The following MSH3 variants were observed in gnomAD, a reference collection of about 807,000 sequenced individuals.
MSH3 encodes the protein DNA mismatch repair protein Msh3.
MSH3 carries 106 observed loss-of-function variants against 123.3 expected under a neutral mutation model. The observed-to-expected ratio is 0.86, with a 90% CI of 0.73 to 1.01. MSH3 has a LOEUF of 1.01. Ranked by LOEUF, MSH3 falls within the 50% of genes least tolerant of loss-of-function variation. The pLI is 0.00. For missense variants in MSH3, 1,459 were observed against 1,347.6 expected (o/e 1.08, Z -1.29); for synonymous variants, 515 against 481.4 (o/e 1.07, Z -0.91).
rs561290875 is a variant in MSH3 at position 80,831,968 on chromosome 5, G to A, written c.2813+18227G>A. Among the ~76,000 whole-genome samples the A allele has an allele frequency of 2.7e-5, 4 of 148,234 alleles. No individual in the cohort carries two copies. The South Asian group carries it at 6.3e-4, about 23-fold the overall frequency. On this transcript the variant is annotated intron_variant, in intron 20 of 23. Coordinates refer to ENST00000265081, the MANE Select transcript of MSH3 (RefSeq NM_002439.5). ...CTAAAAATACAAAAAAATTAGCCGGGTGTGGTGGCGGGGCGCCTATAGTCC... is the reference window on the plus strand; with the variant it reads ...CTAAAAATACAAAAAAATTAGCCGGATGTGGTGGCGGGGCGCCTATAGTCC...
intron 8 of MSH3, among the ~76,000 whole-genome samples, chr5:80,716,306 A>G (rs1228009332): frequency 6.6e-6 from 1 of 152,148 alleles, no homozygotes; most frequent in East Asian, 1.9e-4. Context: ...ATTTAGAGTA[A>G]TTCCTCTTTA....
At chr5:80,771,211 C>T (rs1744207756) in intron 15 of MSH3, among the ~76,000 whole-genome samples, 1 of 152,144 alleles carries the variant, frequency 6.6e-6, no homozygotes, top group Non-Finnish European at 1.5e-5. Context: ...AAAACGACTA[C>T]AGTGGCTCAC....
chr5:80,802,412 T>G (rs1031450805), intron 19 of MSH3, among the ~76,000 whole-genome samples: 1 of 148,360 alleles, frequency 6.7e-6, no homozygotes, highest in Non-Finnish European at 1.5e-5. Context: ...AATTGATTCT[T>G]TAAAAAAACA....
intron 19 of MSH3, among the ~76,000 whole-genome samples, chr5:80,812,252 A>G (rs1745021289): frequency 1.3e-5 from 2 of 152,170 alleles, no homozygotes; most frequent in African/African-American, 2.4e-5. Context: ...ATCCCCCATT[A>G]GTAACATGTT....
At chr5:80,723,354 T>C (rs1751127970) in intron 8 of MSH3, among the ~76,000 whole-genome samples, 2 of 151,986 alleles carry the variant, frequency 1.3e-5, no homozygotes, top group Admixed American at 1.3e-4. Context: ...CAAAAACATA[T>C]ATAGAAATGC....
At chr5:80,670,780 G>A (rs961135268) in intron 4 of MSH3, among the ~76,000 whole-genome samples, 36 of 152,160 alleles carry the variant, frequency 2.4e-4, no homozygotes, top group Non-Finnish European at 5.9e-5. Flanking sequence ...GTTGTTTGAA[G>A]TTTTACAGAT....
At chr5:80,702,812 G>A (rs1750640454) in intron 8 of MSH3, among the ~76,000 whole-genome samples, 1 of 152,046 alleles carries the variant, frequency 6.6e-6, no homozygotes, top group Non-Finnish European at 1.5e-5. Context: ...AGGAGTTTGA[G>A]ACCAGCCTGG....
chr5:80,841,920 T>A (rs1580083746), intron 20 of MSH3, among the ~76,000 whole-genome samples: 2 of 152,224 alleles, frequency 1.3e-5, no homozygotes, highest in African/African-American at 4.8e-5. Context: ...TTAGATCCCA[T>A]TTGTCAATTT....
At chr5:80,709,209 ATGTG>A (rs139977038) in intron 8 of MSH3, among the ~76,000 whole-genome samples, 5,088 of 146,994 alleles carry the variant, frequency 0.035, 133 homozygotes, top group East Asian at 0.13. Flanking sequence ...TAAAATAGAT[ATGTG>A]TGTGTGTGTG....
rs1360794165 is a variant in MSH3 at position 80,761,610 on chromosome 5, C to G, written c.1828C>G (p.Gln610Glu). Reference sequence around the variant, plus strand: ...CCATTCAGAATCTAGTGTGTTTGGTCAGATAGAAAATCATCTACGTAAATT... The same window carrying G: ...CCATTCAGAATCTAGTGTGTTTGGTGAGATAGAAAATCATCTACGTAAATT... ...VLHSESSVFG[Q>E]IENHLRKLPD... The change falls in exon 13 of 24, where the codon CAG becomes GAG. Residue 610 changes from glutamine to glutamate, a missense_variant. Coordinates refer to ENST00000265081, the MANE Select transcript of MSH3 (RefSeq NM_002439.5). 1 of 1,613,910 alleles carries G rather than the reference C, an allele frequency of 6.2e-7. No homozygotes were observed. The highest frequency in any genetic ancestry group is 1.1e-5 in the South Asian group (1 of 91,060).
In MSH3 at chr5:80,803,248, G is replaced by A. The variant is rs1449532532; in HGVS notation, c.2656-10336G>A. Reference sequence around the variant, plus strand: ...CACATCCTCACCAACATTTGTTATTGCATGTCTTTTGAATATGTCATTTTG... The same window carrying A: ...CACATCCTCACCAACATTTGTTATTACATGTCTTTTGAATATGTCATTTTG... On this transcript the variant is annotated intron_variant, in intron 19 of 23. Transcript: ENST00000265081. 4.6e-5 allele frequency among the ~76,000 whole-genome samples: 7 copies of A among 152,002 alleles called. No individual in the cohort carries two copies. The East Asian group carries it at 9.7e-4, about 21-fold the overall frequency.
chr5:80,767,106 T>C (rs535710457), intron 13 of MSH3, among the ~76,000 whole-genome samples: 2 of 152,196 alleles, frequency 1.3e-5, no homozygotes, highest in South Asian at 4.1e-4. Flanking sequence ...CTACACTGCA[T>C]GAGTTTTTCC....
intron 12 of MSH3, among the ~76,000 whole-genome samples, chr5:80,755,921 C>T (rs866697023): frequency 3.9e-5 from 6 of 152,114 alleles, no homozygotes; most frequent in Non-Finnish European, 8.8e-5. Context: ...CACAGGCCCT[C>T]CCTCATAGAT....
At chr5:80,829,531 A>T (rs1745383044) in intron 20 of MSH3, among the ~76,000 whole-genome samples, 1 of 152,144 alleles carries the variant, frequency 6.6e-6, no homozygotes, top group South Asian at 2.1e-4. Context: ...GATGTGATGG[A>T]TTATGTTAAC....
intron 20 of MSH3, among the ~76,000 whole-genome samples, chr5:80,846,499 C>T (rs1363991407): frequency 1.3e-5 from 2 of 152,168 alleles, no homozygotes; most frequent in East Asian, 3.9e-4. Flanking sequence ...TTCTGCTATG[C>T]CCTGCCCCCA....
chr5:80,817,480 T>C, intron 20 of MSH3, among the ~76,000 whole-genome samples: 1 of 152,138 alleles, frequency 6.6e-6, no homozygotes. Flanking sequence ...GGGACTTGTT[T>C]TTTGTTTTTA....
intron 17 of MSH3, among the ~76,000 whole-genome samples, chr5:80,785,220 T>C (rs1744482578): frequency 6.6e-6 from 1 of 152,220 alleles, no homozygotes; most frequent in Non-Finnish European, 1.5e-5. Flanking sequence ...GTTTGTTGTC[T>C]TTTTCACGTT....
At chr5:80,707,405 TG>T (rs937428988) in intron 8 of MSH3, among the ~76,000 whole-genome samples, 1 of 152,152 alleles carries the variant, frequency 6.6e-6, no homozygotes. Context: ...CTGGATTATG[TG>T]GGTAAGTATA....
chr5:80,819,462 G>GTGTT (rs1561488567), intron 20 of MSH3, among the ~76,000 whole-genome samples: 2 of 146,748 alleles, frequency 1.4e-5, no homozygotes, highest in South Asian at 2.1e-4. Context: ...GTGTGTGTGT[G>GTGTT]TGTGTATATA....
Sources: allele counts gnomAD v4.1 joint callset (sites outside exome capture counted in the v4.1 genomes callset), GRCh38; gene constraint gnomAD v4.1.1; transcripts MANE v1.5; gene names NCBI Gene and HGNC (gene_info 2026-07-23, HGNC 2026-07-21).